PRKCA: variants seen among roughly 807,000 people sequenced by gnomAD.
PRKCA encodes the protein protein kinase C alpha, also known as protein kinase C alpha type.
A neutral mutation model predicts 87.0 loss-of-function variants in PRKCA; 27 were observed. The ratio of observed to expected loss-of-function variants is 0.31; its 90% CI spans 0.23 to 0.43. PRKCA has a LOEUF of 0.43. PRKCA is among the 20% of genes least tolerant of loss of function. The pLI, the probability that PRKCA is intolerant of heterozygous loss-of-function variation, is 1.00. For synonymous variants in PRKCA, 329 were observed against 311.1 expected (o/e 1.06, Z -0.61); for missense variants, 518 against 852.3 (o/e 0.61, Z 4.88).
intron 2 of PRKCA, among the ~76,000 whole-genome samples, chr17:66,444,096 C>T (rs577972601): frequency 6.6e-6 from 1 of 152,276 alleles, no homozygotes; most frequent in East Asian, 1.9e-4. Flanking sequence ...GACTCAAATG[C>T]CAGTTCCTAG....
intron 2 of PRKCA, among the ~76,000 whole-genome samples, chr17:66,441,989 G>A (rs1913789010): frequency 6.6e-6 from 1 of 152,008 alleles, no homozygotes; most frequent in Admixed American, 6.6e-5. Flanking sequence ...AGACAGTTTG[G>A]CTTTAGGGCC....
chr17:66,509,324 A>T (rs184396240), intron 3 of PRKCA, among the ~76,000 whole-genome samples: 1 of 152,230 alleles, frequency 6.6e-6, no homozygotes, highest in African/African-American at 2.4e-5. Flanking sequence ...GGATAGCACC[A>T]GTCTGATTCT....
chr17:66,305,640 T>C (rs1049654084), intron 1 of PRKCA, among the ~76,000 whole-genome samples: 2 of 152,202 alleles, frequency 1.3e-5, no homozygotes, highest in African/African-American at 4.8e-5. Flanking sequence ...TTTCTAGACA[T>C]GTGATATTTT....
intron 3 of PRKCA, among the ~76,000 whole-genome samples, chr17:66,609,713 A>G (rs1182540829): frequency 6.6e-6 from 1 of 152,180 alleles, no homozygotes; most frequent in Non-Finnish European, 1.5e-5. Flanking sequence ...GAAAAAGACA[A>G]ATACCACCTA....
intron 2 of PRKCA, among the ~76,000 whole-genome samples, chr17:66,346,128 C>T (rs1907344850): frequency 6.8e-6 from 1 of 147,846 alleles, no homozygotes; most frequent in East Asian, 2.0e-4. Flanking sequence ...GAGTTTCACT[C>T]TGTCACTCAA....
At chr17:66,754,716 G>A (rs1174582339) in intron 13 of PRKCA, among the ~76,000 whole-genome samples, 2 of 152,080 alleles carry the variant, frequency 1.3e-5, no homozygotes, top group African/African-American at 2.4e-5. Context: ...GGAGAGGTCC[G>A]GTGGGCCAAG....
intron 13 of PRKCA, among the ~76,000 whole-genome samples, chr17:66,745,870 C>G (rs886658166): frequency 1.3e-5 from 2 of 152,114 alleles, no homozygotes; most frequent in Admixed American, 1.3e-4. Context: ...ACCTCCAAAC[C>G]TTTGCACTGC....
chr17:66,715,960 C>A (rs547444476), intron 8 of PRKCA, among the ~76,000 whole-genome samples: 3 of 152,298 alleles, frequency 2.0e-5, no homozygotes, highest in Admixed American at 1.3e-4. Flanking sequence ...AAACAGCAAT[C>A]AACTGTTGCC....
chr17:66,797,593 C>T (rs1975698763), intron 16 of PRKCA, among the ~76,000 whole-genome samples: 1 of 152,214 alleles, frequency 6.6e-6, no homozygotes, highest in Admixed American at 6.5e-5. Context: ...TCACAACAGC[C>T]TGGGAAGGTG....
At chr17:66,639,376 G>C (rs1292664891) in intron 3 of PRKCA, 3 of 152,132 alleles carry the variant, frequency 2.0e-5, no homozygotes, top group Non-Finnish European at 4.4e-5. Context: ...GAAGCTCAGA[G>C]CTCTACTATT....
intron 2 of PRKCA, among the ~76,000 whole-genome samples, chr17:66,419,579 G>T (rs567421885): frequency 2.4e-4 from 37 of 152,242 alleles, no homozygotes; most frequent in African/African-American, 8.9e-4. Context: ...CCCTGGTCAA[G>T]TACAAATGTA....
intron 2 of PRKCA, among the ~76,000 whole-genome samples, chr17:66,345,240 T>G (rs535881594): frequency 3.3e-5 from 5 of 152,314 alleles, no homozygotes; most frequent in African/African-American, 1.2e-4. Context: ...CCACCATTAC[T>G]TCCTACACCA....
chr17:66,420,118 TC>T (rs1187670035), intron 2 of PRKCA, among the ~76,000 whole-genome samples: 2 of 151,824 alleles, frequency 1.3e-5, no homozygotes, highest in East Asian at 3.9e-4. Flanking sequence ...TTCAAGCGAT[TC>T]CCCTGCCTCA....
chr17:66,399,471 G>A (rs1369161611), intron 2 of PRKCA, among the ~76,000 whole-genome samples: 2 of 152,068 alleles, frequency 1.3e-5, no homozygotes, highest in Admixed American at 6.6e-5. Context: ...GGTAAAAGAC[G>A]CCTAACATAA....
At chr17:66,505,040 A>G (rs1916913408) in intron 3 of PRKCA, among the ~76,000 whole-genome samples, 1 of 152,228 alleles carries the variant, frequency 6.6e-6, no homozygotes, top group South Asian at 2.1e-4. Flanking sequence ...CTGTGATGCC[A>G]CAGGAAACCT....
intron 3 of PRKCA, among the ~76,000 whole-genome samples, chr17:66,541,942 A>G (rs1234899755): frequency 6.6e-6 from 1 of 152,186 alleles, no homozygotes; most frequent in Non-Finnish European, 1.5e-5. Context: ...TTTTTGGCTG[A>G]CCACATTTGT....
At chr17:66,524,797 G>A (rs928179818) in intron 3 of PRKCA, among the ~76,000 whole-genome samples, 3 of 152,120 alleles carry the variant, frequency 2.0e-5, no homozygotes, top group Admixed American at 6.5e-5. Context: ...AGGTATCTGG[G>A]TCTGTCTTCC....
At chr17:66,660,661 G>A (rs971745658) in intron 5 of PRKCA, among the ~76,000 whole-genome samples, 3 of 152,088 alleles carry the variant, frequency 2.0e-5, no homozygotes, top group South Asian at 2.1e-4. Context: ...AAGCCGAGGC[G>A]GGCGGATCAC....
chr17:66,789,275 T>C (rs1975475433), intron 16 of PRKCA, among the ~76,000 whole-genome samples: 1 of 152,200 alleles, frequency 6.6e-6, no homozygotes, highest in African/African-American at 2.4e-5. Flanking sequence ...CAGCTGTGCT[T>C]TAGGTCTGGA....
Sources: allele counts gnomAD v4.1 joint callset (sites outside exome capture counted in the v4.1 genomes callset), GRCh38; gene constraint gnomAD v4.1.1; transcripts MANE v1.5; gene names NCBI Gene and HGNC (gene_info 2026-07-23, HGNC 2026-07-21).